Variants in MED12L observed in about 807,000 individuals in gnomAD.
The protein encoded by MED12L is mediator complex subunit 12L, also known as mediator of RNA polymerase II transcription subunit 12-like protein.
In MED12L, 60 loss-of-function variants were observed where a neutral mutation model predicts 281.3. That is an observed-to-expected ratio of 0.21 (90% CI 0.17 to 0.26). The LOEUF is 0.26. Among genes scored for constraint, MED12L ranks in the 10% least tolerant of loss-of-function variants. MED12L has a pLI of 1.00. For synonymous variants in MED12L, 974 were observed against 987.2 expected, an observed-to-expected ratio of 0.99 and a Z score of 0.25; for missense variants, 2,146 against 2,680.9, an observed-to-expected ratio of 0.80 and a Z score of 4.41.
intron 39 of MED12L, among the ~76,000 whole-genome samples, chr3:151,395,283 C>A (rs1380500194): frequency 6.6e-6 from 1 of 152,092 alleles, no homozygotes; most frequent in Admixed American, 6.5e-5. Context: ...GTCTCTGAAG[C>A]CCTGATGTTT....
At chr3:151,159,215 A>G (rs1719681267) in intron 7 of MED12L, among the ~76,000 whole-genome samples, 1 of 152,216 alleles carries the variant, frequency 6.6e-6, no homozygotes, top group Admixed American at 6.5e-5. Context: ...TATTTTGATG[A>G]TTGGTCTAAG....
At chr3:151,293,471 GCA>G (rs1165912141) in intron 16 of MED12L, among the ~76,000 whole-genome samples, 2 of 152,004 alleles carry the variant, frequency 1.3e-5, no homozygotes, top group African/African-American at 4.8e-5. Flanking sequence ...GAGGCATGAA[GCA>G]CAGAGAGGAG....
intron 16 of MED12L, among the ~76,000 whole-genome samples, chr3:151,290,762 G>A (rs918484366): frequency 2.6e-5 from 4 of 151,986 alleles, no homozygotes; most frequent in African/African-American, 9.7e-5. Flanking sequence ...CATTAATAAG[G>A]ATGTTTAAAG....
intron 16 of MED12L, among the ~76,000 whole-genome samples, chr3:151,303,035 A>C (rs780648840): frequency 6.6e-6 from 1 of 152,200 alleles, no homozygotes; most frequent in Non-Finnish European, 1.5e-5. Flanking sequence ...CCAATCAGAA[A>C]GGAGCACATG....
Position 151,356,569 on chromosome 3 carries a change from T to C in MED12L, c.2661+530T>C, listed in dbSNP as rs147623798. Among the ~76,000 whole-genome samples, 51 of 152,278 alleles carry C rather than the reference T, an allele frequency of 3.3e-4. No individual in the cohort carries two copies. The East Asian group carries it at 9.4e-3, about 28-fold the overall frequency. On this transcript the variant is annotated intron_variant, in intron 19 of 44. Transcript: ENST00000687756. Reference sequence around the variant, plus strand: ...ATAGTTTTCAATTAAATAATTATCATTGGTGCCAAAATATATACCATTTAA... The same window carrying C: ...ATAGTTTTCAATTAAATAATTATCACTGGTGCCAAAATATATACCATTTAA...
intron 23 of MED12L, among the ~76,000 whole-genome samples, chr3:151,366,462 T>A (rs1228178122): frequency 6.6e-6 from 1 of 152,180 alleles, no homozygotes; most frequent in Non-Finnish European, 1.5e-5. Context: ...ATTCCGAGGA[T>A]GTCCGGTGTT....
At chr3:151,383,696 A>G (rs555700904) in intron 33 of MED12L, 83 bp from the exon 34 acceptor site, 1 of 836,392 alleles carries the variant, frequency 1.2e-6, no homozygotes, top group East Asian at 2.6e-5. Context: ...AATAAAAAAC[A>G]ATCAAAATTT....
At chr3:151,207,866 AG>A (rs1218321892) in intron 16 of MED12L, among the ~76,000 whole-genome samples, 1 of 152,222 alleles carries the variant, frequency 6.6e-6, no homozygotes, top group Non-Finnish European at 1.5e-5. Flanking sequence ...GTCCTGGGAA[AG>A]GAAGTCTGAG....
chr3:151,098,158 G>T (rs1414268273), intron 2 of MED12L, among the ~76,000 whole-genome samples: 2 of 152,200 alleles, frequency 1.3e-5, no homozygotes, highest in Non-Finnish European at 2.9e-5. Flanking sequence ...TCTTTACTTT[G>T]TGGAGGCTTT....
At chr3:151,247,287 C>A (rs1735763077) in intron 16 of MED12L, among the ~76,000 whole-genome samples, 2 of 152,102 alleles carry the variant, frequency 1.3e-5, no homozygotes, top group South Asian at 4.2e-4. Flanking sequence ...GATTATAAAT[C>A]ATGCTGCTAT....
chr3:151,341,607 AG>A (rs1751832146), intron 16 of MED12L, among the ~76,000 whole-genome samples: 1 of 151,326 alleles, frequency 6.6e-6, no homozygotes, highest in African/African-American at 2.4e-5. Context: ...GTTAAGTTTT[AG>A]GGTACATGTG....
At chr3:151,393,321 G>A (rs1560119400) in intron 38 of MED12L, among the ~76,000 whole-genome samples, 2 of 152,200 alleles carry the variant, frequency 1.3e-5, no homozygotes, top group African/African-American at 4.8e-5. Context: ...TAGAGGCTTT[G>A]ATCAGCATTC....
At chr3:151,334,047 A>G (rs755006182) in intron 16 of MED12L, among the ~76,000 whole-genome samples, 1 of 152,142 alleles carries the variant, frequency 6.6e-6, no homozygotes, top group Non-Finnish European at 1.5e-5. Flanking sequence ...ACTGCACTCC[A>G]GCCTGGGTGA....
chr3:151,277,343 T>C (rs188502111), intron 16 of MED12L, among the ~76,000 whole-genome samples: 24 of 152,346 alleles, frequency 1.6e-4, no homozygotes, highest in Non-Finnish European at 3.4e-4. Context: ...ATTCATTGCA[T>C]GTTTACAAAT....
In MED12L at chr3:151,198,977, A is replaced by G. The variant is rs1428410938; in HGVS notation, c.2250+5311A>G. 11 of 1,613,888 alleles carry G rather than the reference A, an allele frequency of 6.8e-6. No individual in the cohort carries two copies. The highest frequency in any genetic ancestry group is 9.3e-6 in the Non-Finnish European group (11 of 1,179,972). ...TATAAGAAGGACCATTAGCCACACA[A>G]CGGTTGATATCATTTTGGCAAATCC... is the stretch of plus-strand genomic sequence containing the variant. On this transcript the variant is annotated intron_variant, in intron 16 of 44. Transcript: ENST00000687756.
At chr3:151,303,517 C>CT in intron 16 of MED12L, among the ~76,000 whole-genome samples, 1 of 152,286 alleles carries the variant, frequency 6.6e-6, no homozygotes, top group East Asian at 1.9e-4. Context: ...AATCCCAGCA[C>CT]TTTGGGAGGC....
intron 2 of MED12L, among the ~76,000 whole-genome samples, chr3:151,106,030 C>G (rs1368875143): frequency 6.6e-6 from 1 of 152,082 alleles, no homozygotes; most frequent in Non-Finnish European, 1.5e-5. Context: ...TCTTCCTTCT[C>G]TTTACTTCCA....
intron 5 of MED12L, among the ~76,000 whole-genome samples, chr3:151,143,647 C>T (rs1221108175): frequency 6.6e-6 from 1 of 152,200 alleles, no homozygotes; most frequent in East Asian, 1.9e-4. Flanking sequence ...TGGGTGCCTT[C>T]CCTTTCTTCC....
At chr3:151,409,086 G>C (rs552419127) in intron 39 of MED12L, among the ~76,000 whole-genome samples, 157 bp from the exon 40 acceptor site, 1 of 152,336 alleles carries the variant, frequency 6.6e-6, no homozygotes, top group African/African-American at 2.4e-5. Context: ...AAACACATAG[G>C]ATATTGATGA....
Sources: gnomAD v4.1 joint callset for allele counts (sites outside exome capture counted in the v4.1 genomes callset) on GRCh38, gnomAD v4.1.1 for gene constraint, MANE v1.5 for transcripts, NCBI Gene and HGNC (gene_info 2026-07-23, HGNC 2026-07-21) for gene names.